The following PARS2 variants were observed in gnomAD, a reference collection of about 807,000 sequenced individuals.
PARS2 encodes the protein probable proline--tRNA ligase, mitochondrial.
A neutral mutation model predicts 27.4 loss-of-function variants in PARS2; 20 were observed. The ratio of observed to expected loss-of-function variants is 0.73; its 90% confidence interval spans 0.51 to 1.06. PARS2 has a LOEUF of 1.06. Among genes scored for constraint, PARS2 ranks in the 50% least tolerant of loss-of-function variants. The pLI is 0.00. For missense variants in PARS2, 585 were observed against 602.1 expected, an observed-to-expected ratio of 0.97 and a Z score of 0.30; for synonymous variants, 240 against 247.1, an observed-to-expected ratio of 0.97 and a Z score of 0.27.
Position 54,758,230 on chromosome 1 carries a change from A to C in PARS2, c.932T>G (p.Phe311Cys). The C allele has an allele frequency of 6.2e-7, 1 of 1,614,164 alleles. No homozygotes were observed. Residue 311 changes from phenylalanine to cysteine, a missense_variant, in exon 2 of 2, where the codon TTT becomes TGT. Coordinates refer to ENST00000371279, the MANE Select transcript of PARS2 (RefSeq NM_152268.4). ...KTKGIEVGHT[F>C]YLGTKYSSIF... ...GGATGAGTACTTGGTACCCAGGTAA[A>C]ATGTGTGCCCCACCTCAATGCCTTT...
In PARS2 at chr1:54,762,075, T is replaced by C. The variant is rs543415708; in HGVS notation, c.-30+2386A>G. On this transcript the variant is annotated intron_variant, in intron 1 of 1. Coordinates refer to ENST00000371279, the MANE Select transcript of PARS2 (RefSeq NM_152268.4). ...AGGTTAGCCCCTCAATACCACTTGC[T>C]ACATTACAGTTACCCAGTGGTTCTG... 2.6e-5 allele frequency among the ~76,000 whole-genome samples: 4 copies of C among 151,922 alleles called. No homozygotes were observed. In the South Asian group the frequency reaches 8.3e-4, roughly 32 times the overall value.
chr1:54,758,114 C>T lies in PARS2; in HGVS notation c.1048G>A (p.Ala350Thr). ...TCTGTAGAGAGGACTTCAATGGCAG[C>T]AGCCAAGATCCGTGTCACACCCAAG... is the stretch of plus-strand genomic sequence containing the variant. ...YGLGVTRILAAAIEVLSTEDC... is the reference protein window; with the variant it reads ...YGLGVTRILATAIEVLSTEDC... The change falls in exon 2 of 2, where the codon GCT becomes ACT. Residue 350 changes from alanine to threonine, a missense_variant. Transcript: ENST00000371279. The T allele has an allele frequency of 1.9e-6, 3 of 1,614,156 alleles. No individual in the cohort carries two copies. The highest frequency in any genetic ancestry group is 2.5e-6 in the Non-Finnish European group (3 of 1,180,016).
chr1:54,758,906 C>G lies in PARS2; in HGVS notation c.256G>C (p.Gly86Arg). The G allele has an allele frequency of 6.2e-7, 1 of 1,614,178 alleles. No homozygotes were observed. Among genetic ancestry groups the G allele is most frequent in the Non-Finnish European group, 8.5e-7 (1 of 1,180,038 alleles). Residue 86 changes from glycine (G) to arginine (R), a missense_variant, in exon 2 of 2, where the codon GGC (glycine) becomes CGC (arginine). Physicochemically the swap from Gly to Arg is moderately radical, Grantham distance 125. Coordinates refer to ENST00000371279, the MANE Select transcript of PARS2 (RefSeq NM_152268.4). ...QVGLIYPASP[G>R]CYHLLPYTVR... ...GTATATGGCAGGAGGTGGTAACAGC[C>G]GGGGCTTGCTGGGTAGATCAGGCCC...
chr1:54,758,675 T>C lies in PARS2; in HGVS notation c.487A>G (p.Thr163Ala), dbSNP rs1646136671. The C allele has an allele frequency of 6.2e-7, 1 of 1,614,242 alleles. No individual in the cohort carries two copies. Among genetic ancestry groups the C allele is most frequent in the African/African-American group, 1.3e-5 (1 of 75,070 alleles). The change falls in exon 2 of 2, where the codon ACG becomes GCG. Residue 163 changes from threonine (T) to alanine (A), a missense_variant. Thr to Ala is a moderately conservative substitution (Grantham distance 58, BLOSUM62 0). Coordinates refer to ENST00000371279, the MANE Select transcript of PARS2 (RefSeq NM_152268.4). The part of the protein sequence containing the change: ...CLGPTHEEAI[T>A]ALIASQKKLS... ...TTCTTCTGGGAGGCAATTAAGGCCG[T>C]AATGGCTTCCTCGTGAGTTGGTCCT... is the stretch of plus-strand genomic sequence containing the variant.
intron 1 of PARS2, among the ~76,000 whole-genome samples, chr1:54,762,795 C>G (rs1460211997): frequency 1.3e-5 from 2 of 152,146 alleles, no homozygotes; most frequent in Non-Finnish European, 2.9e-5. Flanking sequence ...AACTCCTGGC[C>G]TCATGCGATC....
intron 1 of PARS2, among the ~76,000 whole-genome samples, chr1:54,762,190 T>C (rs1392919812): frequency 6.7e-6 from 1 of 148,872 alleles, no homozygotes; most frequent in African/African-American, 2.5e-5. Context: ...CAGGCTGGAG[T>C]GCAGTGGTGC....
At chr1:54,760,520 C>T (rs1204027856) in intron 1 of PARS2, among the ~76,000 whole-genome samples, 1 of 152,212 alleles carries the variant, frequency 6.6e-6, no homozygotes, top group Non-Finnish European at 1.5e-5. Context: ...TCATCTCTCA[C>T]CTGGATGGTT....
intron 1 of PARS2, among the ~76,000 whole-genome samples, chr1:54,759,931 G>C (rs1195489754): frequency 1.3e-5 from 2 of 152,102 alleles, no homozygotes; most frequent in Non-Finnish European, 2.9e-5. Context: ...TTGAACCTGG[G>C]AGGTGGAGGT....
In PARS2 at chr1:54,758,708, A is replaced by G; in HGVS notation, c.454T>C (p.Tyr152His). ...TCCTCGTGAGTTGGTCCTAAGCAGT[A>G]TTCCTTGCCATGCCTGTCTCTAAGT... ...LRLRDRHGKE[Y>H]CLGPTHEEAI... The change falls in exon 2 of 2, where the codon TAC becomes CAC. Residue 152 changes from tyrosine (Y) to histidine (H), a missense_variant. Transcript: ENST00000371279. 6.2e-7 allele frequency: 1 copy of G among 1,614,182 alleles called. No homozygotes were observed. Among genetic ancestry groups the G allele is most frequent in the Non-Finnish European group, 8.5e-7 (1 of 1,180,026 alleles).
At position 54,758,053 on chromosome 1, in the gene PARS2, T is replaced by C; in HGVS notation, c.1109A>G (p.Tyr370Cys). ...CVRWPSLLAP[Y>C]QACLIPPKKG... The stretch of plus-strand genomic sequence containing the variant: ...CTTAGGGGGGATGAGGCAGGCTTGG[T>C]AAGGGGCCAGTAGGCTGGGCCAGCG... Residue 370 changes from tyrosine (Y) to cysteine (C), a missense_variant, in exon 2 of 2, where the codon TAC becomes TGC. Coordinates refer to ENST00000371279, the MANE Select transcript of PARS2 (RefSeq NM_152268.4). 1 of 1,613,854 alleles carries C rather than the reference T, an allele frequency of 6.2e-7. No homozygotes were observed. The highest frequency in any genetic ancestry group is 8.5e-7 in the Non-Finnish European group (1 of 1,179,874).
intron 1 of PARS2, among the ~76,000 whole-genome samples, chr1:54,762,870 C>G (rs1646165048): frequency 6.6e-6 from 1 of 152,136 alleles, no homozygotes; most frequent in African/African-American, 2.4e-5. Context: ...AGGCTCAATA[C>G]ATGTTCTATC....
chr1:54,761,004 T>A (rs914936229), intron 1 of PARS2, among the ~76,000 whole-genome samples: 3 of 152,172 alleles, frequency 2.0e-5, no homozygotes, highest in Non-Finnish European at 4.4e-5. Context: ...GGTCTCGACC[T>A]CCTGACCTCG....
chr1:54,761,951 C>A (rs901619117), intron 1 of PARS2, among the ~76,000 whole-genome samples: 12 of 152,186 alleles, frequency 7.9e-5, no homozygotes, highest in African/African-American at 2.7e-4. Flanking sequence ...GTGGCTCCAG[C>A]CAGAAACTCA....
Position 54,758,880 on chromosome 1 carries a change from G to T in PARS2, c.282C>A (p.Thr94=), listed in dbSNP as rs200241187. ...SPGCYHLLPY[T]VRAMEKLVRV... ...GCACGAGCTTCTCCATGGCACGGAC[G>T]GTATATGGCAGGAGGTGGTAACAGC... Residue 94 remains threonine, a synonymous_variant, in exon 2 of 2, where the codon ACC becomes ACA. Coordinates refer to ENST00000371279, the MANE Select transcript of PARS2 (RefSeq NM_152268.4). 1.1e-5 allele frequency: 18 copies of T among 1,614,190 alleles called. No homozygotes were observed. The African/African-American group carries it at 1.9e-4, about 17-fold the overall frequency.
At chr1:54,760,802 G>A (rs1438922316) in intron 1 of PARS2, among the ~76,000 whole-genome samples, 15 of 150,672 alleles carry the variant, frequency 1.0e-4, no homozygotes, top group Non-Finnish European at 1.6e-4. Flanking sequence ...TTTTTGAGAC[G>A]GAGTCTCGCT....
rs11587442 is a variant in PARS2 at position 54,759,406 on chromosome 1, T to C, written c.-29-216A>G. On this transcript the variant is annotated intron_variant, in intron 1 of 1. Transcript: ENST00000371279. ...CAATATTTTCCTGATTATAAAAACA[T>C]TAACAACATCCTGTGGAGAGACAGC... Among the ~76,000 whole-genome samples, 23,224 of 152,196 alleles carry C rather than the reference T, an allele frequency of 0.15. 1,820 individuals are homozygous for C. The highest frequency in any genetic ancestry group is 0.22 in the Middle Eastern group (65 of 294).
Position 54,757,908 on chromosome 1 carries a change from G to A in PARS2, c.1254C>T (p.Ile418=), listed in dbSNP as rs1057522093. 4.3e-6 allele frequency: 7 copies of A among 1,614,060 alleles called. No individual in the cohort carries two copies. The highest frequency in any genetic ancestry group is 1.3e-5 in the African/African-American group (1 of 74,924). ...VLLDDRTHLT[I]GNRLKDANKF... ...TGTTGGCATCTTTCAGTCTGTTTCC[G>A]ATGGTCAGATGGGTCCTGTCGTCCA... The change falls in exon 2 of 2, where the codon ATC becomes ATT. Residue 418 remains isoleucine (I), a synonymous_variant. Transcript: ENST00000371279.
chr1:54,759,291 T>G (rs1271194595), intron 1 of PARS2, 101 bp from the exon 2 acceptor site: 1 of 655,724 alleles, frequency 1.5e-6, no homozygotes, highest in African/African-American at 1.8e-5. Flanking sequence ...AGGCAGCCAC[T>G]GATTTTGCAG....
chr1:54,763,322 A>T (rs1007418758), intron 1 of PARS2, among the ~76,000 whole-genome samples: 1 of 151,938 alleles, frequency 6.6e-6, no homozygotes, highest in Admixed American at 6.6e-5. Context: ...TTCACATACA[A>T]TTTTTTTTCT....
Sources: gnomAD v4.1 joint callset for allele counts (sites outside exome capture counted in the v4.1 genomes callset) on GRCh38, gnomAD v4.1.1 for gene constraint, MANE v1.5 for transcripts, NCBI Gene and HGNC (gene_info 2026-07-23, HGNC 2026-07-21) for gene names.